Variants in ASXL2 observed in about 807,000 individuals in gnomAD.
The protein encoded by ASXL2 is ASXL transcriptional regulator 2.
A neutral mutation model predicts 122.0 loss-of-function variants in ASXL2; 23 were observed. That is an observed-to-expected ratio of 0.19 (90% CI 0.14 to 0.27). The LOEUF is 0.27. Among genes scored for constraint, ASXL2 ranks in the 10% least tolerant of loss-of-function variants. The pLI is 1.00. For missense variants in ASXL2, 1,518 were observed against 1,713.8 expected (o/e 0.89, Z 2.02); for synonymous variants, 650 against 637.0 (o/e 1.02, Z -0.31).
intron 1 of ASXL2, among the ~76,000 whole-genome samples, chr2:25,857,357 TTGTC>T (rs1179079708): frequency 5.9e-5 from 9 of 152,302 alleles, no homozygotes; most frequent in Middle Eastern, 3.4e-3. Context: ...AATAAAATCT[TTGTC>T]TGGGTAGCTG....
intron 3 of ASXL2, among the ~76,000 whole-genome samples, chr2:25,811,950 A>C (rs539677474): frequency 5.5e-4 from 83 of 151,956 alleles, no homozygotes; most frequent in African/African-American, 1.9e-3. Flanking sequence ...GGGTTTCACC[A>C]TGTTGGCTAG....
At chr2:25,830,577 GA>G (rs1389653772) in intron 3 of ASXL2, among the ~76,000 whole-genome samples, 2 of 148,340 alleles carry the variant, frequency 1.3e-5, no homozygotes, top group African/African-American at 5.0e-5. Context: ...AGTGAGCCGA[GA>G]TCGCATCACT....
At chr2:25,821,541 A>T (rs903484422) in intron 3 of ASXL2, among the ~76,000 whole-genome samples, 1 of 151,492 alleles carries the variant, frequency 6.6e-6, no homozygotes, top group South Asian at 2.1e-4. Context: ...CAGCGAGCAG[A>T]TCACTCGAGG....
At position 25,742,279 on chromosome 2, in the gene ASXL2, T is replaced by C. The variant is rs1021520950; in HGVS notation, c.4058A>G (p.Asn1353Ser). The C allele has an allele frequency of 1.2e-6, 2 of 1,613,944 alleles. No individual in the cohort carries two copies. The highest frequency in any genetic ancestry group is 1.7e-6 in the Non-Finnish European group (2 of 1,179,892). ...SAVPGSQVSS[N>S]VGDVMSFSVT... is the part of the protein sequence containing the mutation. Reference sequence around the variant, plus strand: ...TGAAAATGACATGACATCACCTACATTGCTAGATACCTGGCTACCTGGTAC... The same window carrying C: ...TGAAAATGACATGACATCACCTACACTGCTAGATACCTGGCTACCTGGTAC... Residue 1353 changes from asparagine (N) to serine (S), a missense_variant, in exon 13 of 13, where the codon AAT becomes AGT. By Grantham distance (46) the Asn-to-Ser change is conservative. Transcript: ENST00000435504.
intron 5 of ASXL2, among the ~76,000 whole-genome samples, chr2:25,782,270 C>T (rs1035279809): frequency 1.2e-4 from 19 of 152,002 alleles, no homozygotes; most frequent in Admixed American, 2.0e-4. Flanking sequence ...CTAGGCCAGG[C>T]GCGGTGGCTC....
At chr2:25,874,353 G>A (rs907428562) in intron 1 of ASXL2, among the ~76,000 whole-genome samples, 1 of 152,090 alleles carries the variant, frequency 6.6e-6, no homozygotes, top group Admixed American at 6.6e-5. Context: ...GCCAGGTATG[G>A]CAGCGCATGC....
intron 9 of ASXL2, among the ~76,000 whole-genome samples, chr2:25,756,465 G>GAAA (rs71399321): frequency 3.3e-5 from 3 of 91,430 alleles, no homozygotes; most frequent in Non-Finnish European, 6.8e-5. Flanking sequence ...AAAAAAAAAA[G>GAAA]AAAAAAAAAA....
At chr2:25,867,763 A>G (rs1017846886) in intron 1 of ASXL2, among the ~76,000 whole-genome samples, 1 of 152,174 alleles carries the variant, frequency 6.6e-6, no homozygotes, top group Admixed American at 6.5e-5. Flanking sequence ...TCACAGGTTA[A>G]TTAGCCATGC....
rs79308522 is a variant in ASXL2, at chr2:25,758,193, T to C, written c.939+1289A>G. On this transcript the variant is annotated intron_variant, in intron 9 of 12. Coordinates refer to ENST00000435504, the MANE Select transcript of ASXL2 (RefSeq NM_018263.6). ...CTGATTCACAACACTATGAAACTGA[T>C]ATCAATGCAGTCTAGTAGAAAGATT... 5.7e-3 allele frequency among the ~76,000 whole-genome samples: 867 copies of C among 152,342 alleles called. 23 individuals carry two copies. The East Asian group carries it at 0.069, about 12-fold the overall frequency.
At chr2:25,828,707 C>G (rs1416578623) in intron 3 of ASXL2, among the ~76,000 whole-genome samples, 1 of 150,714 alleles carries the variant, frequency 6.6e-6, no homozygotes, top group Non-Finnish European at 1.5e-5. Context: ...CACCTGTAAT[C>G]CCAGCTACTG....
chr2:25,780,888 C>A (rs2149161357), intron 5 of ASXL2, among the ~76,000 whole-genome samples: 2 of 151,144 alleles, frequency 1.3e-5, no homozygotes, highest in East Asian at 4.0e-4. Context: ...GAGATCGAGA[C>A]CATCCTAGCT....
intron 5 of ASXL2, 35 bp downstream of exon 5, chr2:25,799,350 A>G (rs549230512): frequency 6.2e-7 from 1 of 1,613,812 alleles, no homozygotes; most frequent in South Asian, 1.1e-5. Context: ...GTCCTACAGC[A>G]TTTAGTACTT....
intron 3 of ASXL2, among the ~76,000 whole-genome samples, chr2:25,831,458 G>A (rs1402414241): frequency 6.6e-6 from 1 of 152,084 alleles, no homozygotes; most frequent in Non-Finnish European, 1.5e-5. Context: ...CTCAGGTATT[G>A]CGCTGGGCAA....
At position 25,753,518 on chromosome 2, in the gene ASXL2, C is replaced by A. The variant is rs2088082959; in HGVS notation, c.1142+16G>T. 1 of 1,595,100 alleles carries A rather than the reference C, an allele frequency of 6.3e-7. No homozygotes were observed. The highest frequency in any genetic ancestry group is 1.3e-5 in the African/African-American group (1 of 74,262). On this transcript the variant is annotated intron_variant, in intron 11 of 12. Transcript: ENST00000435504. ...AGGAATTAACATTTGGTTTATAGAA[C>A]CTGTCCTAATATTACCTCTGCCCAT...
In ASXL2 at chr2:25,807,175, T is replaced by A. The variant is rs79630835; in HGVS notation, c.144-838A>T. Among the ~76,000 whole-genome samples the A allele has an allele frequency of 6.7e-3, 1,013 of 152,312 alleles. 17 individuals are homozygous for A. Among genetic ancestry groups the A allele is most frequent in the African/African-American group, 0.023 (971 of 41,560 alleles). ...ATGTGTGGCATCCTTAAATGGTTTT[T>A]AAAAACTGATCACAATACCTGAGGT... On this transcript the variant is annotated intron_variant, in intron 3 of 12. Transcript: ENST00000435504.
In ASXL2 at chr2:25,772,541, G is replaced by C. The variant is rs143707500; in HGVS notation, c.404-1001C>G. 8.4e-3 allele frequency among the ~76,000 whole-genome samples: 1,280 copies of C among 152,092 alleles called. 10 individuals carry two copies. The highest frequency in any genetic ancestry group is 0.03 in the African/African-American group (1,246 of 41,470). ...TGAGGTCGGAGTTCAAGAACAGCCT[G>C]ACCAACATGGAGAAACCCTATCTCT... On this transcript the variant is annotated intron_variant, in intron 5 of 12. Coordinates refer to ENST00000435504, the MANE Select transcript of ASXL2 (RefSeq NM_018263.6).
intron 3 of ASXL2, among the ~76,000 whole-genome samples, chr2:25,809,068 A>G (rs1269087168): frequency 2.0e-5 from 3 of 152,248 alleles, no homozygotes; most frequent in African/African-American, 7.2e-5. Flanking sequence ...ACAATGAGAT[A>G]GCACTTTTAG....
chr2:25,763,593 CA>C (rs1467129124), intron 8 of ASXL2, among the ~76,000 whole-genome samples: 3 of 151,600 alleles, frequency 2.0e-5, no homozygotes, highest in Non-Finnish European at 4.4e-5. Context: ...ATCATTAGGT[CA>C]AAAAAAGGAG....
rs1022921053 is a variant in ASXL2, at chr2:25,734,184, C to T, written c.*7845G>A. On this transcript the variant is annotated 3_prime_UTR_variant, in exon 13 of 13. Transcript: ENST00000435504. ...GGATTCTAGAAATTTTGTGAATTCT[C>T]TGAGAACTTGCTCTTTAATCAGTAC... The T allele has an allele frequency of 6.6e-6, 1 of 151,474 alleles. No individual in the cohort carries two copies. The highest frequency in any genetic ancestry group is 6.6e-5 in the Admixed American group (1 of 15,188). The allele number at this position is 151,474 out of a possible 1,614,324, so 9.4% of individuals were successfully genotyped here.
Sources: allele counts gnomAD v4.1 joint callset (sites outside exome capture counted in the v4.1 genomes callset), GRCh38; gene constraint gnomAD v4.1.1; transcripts MANE v1.5; gene names NCBI Gene and HGNC (gene_info 2026-07-23, HGNC 2026-07-21).